Variants in SCEL observed in about 807,000 individuals in gnomAD.
The protein encoded by SCEL is sciellin.
SCEL carries 113 observed loss-of-function variants against 117.6 expected under a neutral mutation model. The observed-to-expected ratio is 0.96, with a 90% confidence interval of 0.83 to 1.12. SCEL has a LOEUF of 1.12. Among genes scored for constraint, SCEL ranks in the 50% most tolerant of loss-of-function variants. The pLI is 0.00. For synonymous variants in SCEL, 270 were observed against 256.2 expected (o/e 1.05, Z -0.51); for missense variants, 785 against 810.8 (o/e 0.97, Z 0.39).
intron 9 of SCEL, among the ~76,000 whole-genome samples, chr13:77,583,547 G>A (rs2086385056): frequency 6.6e-6 from 1 of 152,192 alleles, no homozygotes; most frequent in Non-Finnish European, 1.5e-5. Flanking sequence ...CAGTTGTGGA[G>A]TAAGTGCTTT....
At position 77,569,394 on chromosome 13, in the gene SCEL, C is replaced by G. The variant is rs759862701; in HGVS notation, c.422C>G (p.Ala141Gly). 6 of 1,613,736 alleles carry G rather than the reference C, an allele frequency of 3.7e-6. No homozygotes were observed. The highest frequency in any genetic ancestry group is 2.2e-5 in the South Asian group (2 of 91,072). The change falls in exon 8 of 33, where the codon GCC (alanine) becomes GGC (glycine). Residue 141 changes from alanine to glycine, a missense_variant. Transcript: ENST00000349847. Reference protein sequence around the residue: ...TKLQPGGSLNANTSNTIASTS... With the variant: ...TKLQPGGSLNGNTSNTIASTS... ...AGGCAACCTGGCGGTTCATTGAATG[C>G]CAACACCTCCAACACCATAGCATCC...
intron 1 of SCEL, among the ~76,000 whole-genome samples, chr13:77,547,265 G>A (rs8002204): frequency 0.31 from 47,851 of 151,978 alleles, 7,532 homozygotes; most frequent in African/African-American, 0.33. Flanking sequence ...AGAGAGAGGC[G>A]TGGCATTCCG....
chr13:77,563,827 A>G lies in SCEL; in HGVS notation c.222-4A>G. 6.4e-7 allele frequency: 1 copy of G among 1,574,272 alleles called. No individual in the cohort carries two copies. Among genetic ancestry groups the G allele is most frequent in the Non-Finnish European group, 8.6e-7 (1 of 1,166,730 alleles). Reference sequence around the variant, plus strand: ...TTTTTTTTTGGTAATTATGTTTGCTACAGGAAAGTAAATGAGAGAGATGTG... The same window carrying G: ...TTTTTTTTTGGTAATTATGTTTGCTGCAGGAAAGTAAATGAGAGAGATGTG... On this transcript the variant is annotated splice_region_variant and splice_polypyrimidine_tract_variant and intron_variant, in intron 4 of 32. Coordinates refer to ENST00000349847, the MANE Select transcript of SCEL (RefSeq NM_144777.3).
chr13:77,615,218 T>G (rs2088935512), intron 24 of SCEL, among the ~76,000 whole-genome samples: 2 of 152,022 alleles, frequency 1.3e-5, no homozygotes, highest in Admixed American at 1.3e-4. Context: ...CCTTGGAGAT[T>G]ATCCAATTCA....
chr13:77,543,305 G>C (rs71434870), intron 1 of SCEL, among the ~76,000 whole-genome samples: 1 of 151,454 alleles, frequency 6.6e-6, no homozygotes, highest in Non-Finnish European at 1.5e-5. Context: ...GGATGGTCTC[G>C]ATCTCCTGAC....
intron 9 of SCEL, among the ~76,000 whole-genome samples, chr13:77,580,320 T>C (rs531030752): frequency 4.6e-5 from 7 of 152,348 alleles, no homozygotes; most frequent in Non-Finnish European, 1.0e-4. Context: ...CAGCAGTCAC[T>C]TGGGGATGTC....
At chr13:77,536,261 TAA>T (rs1282997205) in intron 1 of SCEL, among the ~76,000 whole-genome samples, 1 of 152,228 alleles carries the variant, frequency 6.6e-6, no homozygotes, top group Non-Finnish European at 1.5e-5. Context: ...TTATAGTTAA[TAA>T]GTCATATTTA....
Position 77,633,442 on chromosome 13 carries a change from C to CAAAAA in SCEL, c.1692-917_1692-913dup, listed in dbSNP as rs59939208. ...TGGGCGACAGAGCGAGACTCCGCCT[C>CAAAAA]AAAAAAAAAAAAAAAAAAAAAAAAG... On this transcript the variant is annotated intron_variant, in intron 28 of 32. Transcript: ENST00000349847. Among the ~76,000 whole-genome samples, 166 of 30,006 alleles carry CAAAAA rather than the reference C, an allele frequency of 5.5e-3. 11 individuals carry two copies. The highest frequency in any genetic ancestry group is 9.3e-3 in the Non-Finnish European group (132 of 14,270). The allele number at this position is 30,006 out of a possible 152,430, so 19.7% of individuals were successfully genotyped here.
At chr13:77,617,912 A>C (rs756527680) in intron 26 of SCEL, 50 bp downstream of exon 26, 1 of 1,575,100 alleles carries the variant, frequency 6.3e-7, no homozygotes, top group Non-Finnish European at 8.7e-7. Flanking sequence ...GTTGCCCTGG[A>C]TGAAGTGGAT....
intron 19 of SCEL, among the ~76,000 whole-genome samples, chr13:77,606,924 G>T (rs891958966): frequency 1.3e-5 from 2 of 152,114 alleles, no homozygotes; most frequent in African/African-American, 4.8e-5. Flanking sequence ...CTGGTATGCA[G>T]AAAACACATG....
chr13:77,543,912 A>G (rs1204250455), intron 1 of SCEL, among the ~76,000 whole-genome samples: 5 of 152,122 alleles, frequency 3.3e-5, no homozygotes, highest in African/African-American at 9.7e-5. Flanking sequence ...TTCACTAGTT[A>G]TGTAACCTCA....
chr13:77,607,605 T>C (rs886384610), intron 19 of SCEL, among the ~76,000 whole-genome samples: 1 of 152,230 alleles, frequency 6.6e-6, no homozygotes, highest in Non-Finnish European at 1.5e-5. Flanking sequence ...AATCTGCTAA[T>C]GAATGCCAAT....
At chr13:77,635,034 C>T (rs945024281) in intron 29 of SCEL, among the ~76,000 whole-genome samples, 1 of 152,088 alleles carries the variant, frequency 6.6e-6, no homozygotes, top group African/African-American at 2.4e-5. Context: ...AATGGTGGGG[C>T]ACACAAATGC....
intron 1 of SCEL, among the ~76,000 whole-genome samples, chr13:77,540,565 T>C (rs780879159): frequency 6.6e-6 from 1 of 152,182 alleles, no homozygotes; most frequent in Non-Finnish European, 1.5e-5. Flanking sequence ...TGGAAGTCTT[T>C]CCTGAAGGAA....
At chr13:77,625,777 TGTGA>T (rs1384986554) in intron 27 of SCEL, among the ~76,000 whole-genome samples, 1 of 152,334 alleles carries the variant, frequency 6.6e-6, no homozygotes. Flanking sequence ...TATCAATATT[TGTGA>T]GTGAGAGTCT....
intron 18 of SCEL, 95 bp downstream of exon 18, chr13:77,603,230 T>TGTCTAATTCCATGCTAATAAA: frequency 1.5e-6 from 1 of 666,878 alleles, no homozygotes; most frequent in Non-Finnish European, 2.5e-6. Flanking sequence ...CGTGTTTTAT[T>TGTCTAATTCCATGCTAATAAA]AGCATGGAAT....
Position 77,566,429 on chromosome 13 carries a change from C to T in SCEL, c.291-1251C>T, listed in dbSNP as rs545022269. Among the ~76,000 whole-genome samples, 22 of 149,708 alleles carry T rather than the reference C, an allele frequency of 1.5e-4. 2 individuals carry two copies. In the East Asian group the frequency reaches 4.6e-3, roughly 31 times the overall value. The stretch of plus-strand genomic sequence containing the variant: ...AGACAAGGAAAGAAGGAACAGGGGC[C>T]GAAGTTATGAGATCCCACCGTTGGC... On this transcript the variant is annotated intron_variant, in intron 5 of 32. Transcript: ENST00000349847.
chr13:77,560,633 TTAG>T (rs1394029367), intron 4 of SCEL, among the ~76,000 whole-genome samples: 1 of 152,086 alleles, frequency 6.6e-6, no homozygotes, highest in Non-Finnish European at 1.5e-5. Context: ...TCAAAGCAAA[TTAG>T]TAGAAAAATT....
At chr13:77,576,073 A>T (rs752118116) in intron 9 of SCEL, among the ~76,000 whole-genome samples, 5 of 152,118 alleles carry the variant, frequency 3.3e-5, no homozygotes, top group African/African-American at 9.7e-5. Context: ...TAATCTTACA[A>T]ACCTACTCAG....
Sources: gnomAD v4.1 joint callset for allele counts (sites outside exome capture counted in the v4.1 genomes callset) on GRCh38, gnomAD v4.1.1 for gene constraint, MANE v1.5 for transcripts, NCBI Gene and HGNC (gene_info 2026-07-23, HGNC 2026-07-21) for gene names.